MAP7D3: variants seen among roughly 807,000 people sequenced by gnomAD.
MAP7D3 encodes MAP7 domain containing 3, also known as MAP7 domain-containing protein 3.
Under a neutral mutation model 62.2 loss-of-function variants are expected in MAP7D3, and 45 were observed. The observed-to-expected ratio is 0.72, with a 90% CI of 0.57 to 0.93. MAP7D3 has a LOEUF of 0.93. Ranked by LOEUF, MAP7D3 falls within the 40% of genes least tolerant of loss-of-function variation. MAP7D3 has a pLI of 0.00. For missense variants in MAP7D3, 711 were observed against 683.1 expected (o/e 1.04, Z -0.45); for synonymous variants, 288 against 248.8 (o/e 1.16, Z -1.48).
At chrX:136,218,936 C>T (rs1260974609) in intron 18 of MAP7D3, among the ~76,000 whole-genome samples, 7 of 110,727 alleles carry the variant, frequency 6.3e-5, no homozygotes, top group Admixed American at 1.9e-4. Flanking sequence ...CTGCAACCTC[C>T]GCCTCCTGGG....
At chrX:136,221,651 C>G (rs1194198033) in intron 15 of MAP7D3, 2 of 112,841 alleles carry the variant, frequency 1.8e-5, no homozygotes, top group African/African-American at 6.4e-5. Flanking sequence ...TACCTTCTAT[C>G]TTCGGCTTTC....
At chrX:136,253,260 A>G (rs1275452497), upstream of MAP7D3, among the ~76,000 whole-genome samples, 1 of 112,262 alleles carries the variant, frequency 8.9e-6, no homozygotes, top group Non-Finnish European at 1.9e-5. Flanking sequence ...CCCACAAAAC[A>G]CACACACATA....
intron 7 of MAP7D3, among the ~76,000 whole-genome samples, chrX:136,233,635 T>TAAAAAAAA (rs151267120): frequency 3.6e-4 from 11 of 30,608 alleles, no homozygotes; most frequent in African/African-American, 1.1e-3. Flanking sequence ...TAAATTAAAC[T>TAAAAAAAA]AAAAAAAAAA....
chrX:136,235,214 C>A (rs1380590768), intron 7 of MAP7D3, among the ~76,000 whole-genome samples: 1 of 112,322 alleles, frequency 8.9e-6, no homozygotes, highest in African/African-American at 3.2e-5. Context: ...ATGGTCAAGT[C>A]CACTGCCAAA....
downstream of MAP7D3, among the ~76,000 whole-genome samples, chrX:136,216,142 A>G (rs1296854989): frequency 1.8e-5 from 2 of 110,461 alleles, no homozygotes; most frequent in Non-Finnish European, 3.8e-5. Context: ...AAGATACTGC[A>G]GTAATAAGCC....
chrX:136,214,470 G>A (rs1465749885), downstream of MAP7D3: 1 of 112,048 alleles, frequency 8.9e-6, no homozygotes, highest in African/African-American at 3.3e-5. Flanking sequence ...GATCCCTCTT[G>A]CTCTGGCTCC....
At chrX:136,253,237 T>A (rs2074532710), upstream of MAP7D3, among the ~76,000 whole-genome samples, 1 of 112,416 alleles carries the variant, frequency 8.9e-6, no homozygotes, top group Admixed American at 9.4e-5. Flanking sequence ...ACGACACACA[T>A]ATGATTAGGG....
chrX:136,228,839 C>A, intron 10 of MAP7D3, 81 bp from the exon 11 acceptor site: 1 of 800,101 alleles, frequency 1.2e-6, no homozygotes, highest in Non-Finnish European at 1.7e-6. Flanking sequence ...CAATCCAAAA[C>A]ATTAAAATAT....
At chrX:136,229,983 ATATATATATATTTT>A (rs2074244900) in intron 10 of MAP7D3, among the ~76,000 whole-genome samples, 1 of 61,040 alleles carries the variant, frequency 1.6e-5, no homozygotes, top group African/African-American at 6.8e-5. Context: ...ATATATATAT[ATATATATATATTTT>A]TTTTTTTTTT....
intron 13 of MAP7D3, 51 bp downstream of exon 13, chrX:136,225,858 C>T (rs970341726): frequency 1.2e-6 from 1 of 816,054 alleles, no homozygotes; most frequent in Middle Eastern, 2.9e-4. Flanking sequence ...ATCAGGTGCC[C>T]AACATTGTTT....
At chrX:136,243,991 A>G (rs1476134839) in intron 4 of MAP7D3, among the ~76,000 whole-genome samples, 1 of 111,894 alleles carries the variant, frequency 8.9e-6, no homozygotes, top group Admixed American at 9.5e-5. Flanking sequence ...AGACACCAAA[A>G]GAGAATCCAG....
At chrX:136,223,267 A>G (rs2074152223) in intron 14 of MAP7D3, among the ~76,000 whole-genome samples, 1 of 111,322 alleles carries the variant, frequency 9.0e-6, no homozygotes, top group Non-Finnish European at 1.9e-5. Flanking sequence ...AATGACCACA[A>G]CTGGGTAATT....
chrX:136,229,336 T>C (rs1023474786), intron 10 of MAP7D3, among the ~76,000 whole-genome samples: 4 of 111,642 alleles, frequency 3.6e-5, no homozygotes, highest in Non-Finnish European at 7.5e-5. Flanking sequence ...ACTACTAATT[T>C]ATTTTAAATA....
At chrX:136,238,599 T>C (rs2074355785) in intron 6 of MAP7D3, among the ~76,000 whole-genome samples, 1 of 111,581 alleles carries the variant, frequency 9.0e-6, no homozygotes, top group African/African-American at 3.3e-5. Flanking sequence ...AGACTATATA[T>C]AAAAGTGCTT....
rs1033282106 is a variant in MAP7D3, at chrX:136,242,469, T to C, written c.418-1192A>G. On this transcript the variant is annotated intron_variant, in intron 4 of 18. Transcript: ENST00000316077. Reference sequence around the variant, plus strand: ...CACCACTGAGTCTGGGTTTTTTTTTTCTGCTCTCCAGAATTCCTCTCTTTT... The same window carrying C: ...CACCACTGAGTCTGGGTTTTTTTTTCCTGCTCTCCAGAATTCCTCTCTTTT... Among the ~76,000 whole-genome samples the C allele has an allele frequency of 4.4e-4, 48 of 110,152 alleles. 1 individual carries two copies. The highest frequency in any genetic ancestry group is 1.3e-3 in the African/African-American group (40 of 30,212).
Position 136,227,430 on chromosome X carries a change from C to G in MAP7D3, c.1888G>C (p.Val630Leu), listed in dbSNP as rs372585236. ...ERQREEMQQR[V>L]IKKSKDMAKE... ...GCCATGTCTTTTGATTTCTTAATGA[C>G]CCTGAGAGTATTTAAATAATTGTTA... The change falls in exon 12 of 19, where the codon GTC (valine) becomes CTC (leucine). Residue 630 changes from valine (V) to leucine (L), a missense_variant and splice_region_variant. Physicochemically the swap from Val to Leu is conservative, Grantham distance 32. Transcript: ENST00000316077. 1 of 1,177,549 alleles carries G rather than the reference C, an allele frequency of 8.5e-7. No individual in the cohort carries two copies. The highest frequency in any genetic ancestry group is 1.1e-6 in the Non-Finnish European group (1 of 870,161).
chrX:136,237,344 T>C (rs772249784), intron 6 of MAP7D3, among the ~76,000 whole-genome samples: 7 of 112,214 alleles, frequency 6.2e-5, no homozygotes, highest in African/African-American at 1.6e-4. Flanking sequence ...GCAGTTATTA[T>C]GAATCAGCAA....
At position 136,231,953 on chromosome X, in the gene MAP7D3, G is replaced by A. The variant is rs369779481; in HGVS notation, c.1004C>T (p.Thr335Met). ...CACGCTCACCACAGGGAATGAGTCC[G>A]TGCTCACCTCAGGGGCCATGCCCAC... is the stretch of plus-strand genomic sequence containing the variant. ...AGVGMAPEVS[T>M]DSFPVVSVDV... Residue 335 changes from threonine (T) to methionine (M), a missense_variant, in exon 8 of 19, where the codon ACG (threonine) becomes ATG (methionine). Transcript: ENST00000316077. 249 of 1,209,124 alleles carry A rather than the reference G, an allele frequency of 2.1e-4. 3 individuals are homozygous for A. In the East Asian group the frequency reaches 3.1e-3, roughly 15 times the overall value.
At chrX:136,229,732 G>A (rs948387570) in intron 10 of MAP7D3, among the ~76,000 whole-genome samples, 28 of 105,359 alleles carry the variant, frequency 2.7e-4, no homozygotes, top group Admixed American at 1.0e-3. Flanking sequence ...ATGGGGTCTC[G>A]CTCTCTCATC....
Sources: gnomAD v4.1 joint callset for allele counts (sites outside exome capture counted in the v4.1 genomes callset) on GRCh38, gnomAD v4.1.1 for gene constraint, MANE v1.5 for transcripts, NCBI Gene and HGNC (gene_info 2026-07-23, HGNC 2026-07-21) for gene names.